Variants in CPEB3 observed in about 807,000 individuals in gnomAD.
CPEB3 encodes cytoplasmic polyadenylation element binding protein 3, also known as cytoplasmic polyadenylation element-binding protein 3.
Under a neutral mutation model 67.2 loss-of-function variants are expected in CPEB3, and 20 were observed. The ratio of observed to expected loss-of-function variants is 0.30; its 90% CI spans 0.21 to 0.43. CPEB3 has a LOEUF of 0.43. Ranked by LOEUF, CPEB3 falls within the 20% of genes least tolerant of loss-of-function variation. The probability of loss-of-function intolerance (pLI) is 1.00; values close to 1 mark genes in which losing one functional copy is unlikely to be tolerated. For synonymous variants in CPEB3, 376 were observed against 393.1 expected, an observed-to-expected ratio of 0.96 and a Z score of 0.51; for missense variants, 746 against 968.6, an observed-to-expected ratio of 0.77 and a Z score of 3.05.
In CPEB3 at chr10:92,240,374, A is replaced by G; in HGVS notation, c.-11-13T>C. The stretch of plus-strand genomic sequence containing the variant: ...ATGGTTTGCGCAGCTGAAACGGGAA[A>G]AAAGAGAGACGCGTTATTGTCAATG... On this transcript the variant is annotated splice_polypyrimidine_tract_variant and intron_variant, in intron 1 of 9. Coordinates refer to ENST00000265997, the MANE Select transcript of CPEB3 (RefSeq NM_014912.5). 2 of 1,438,952 alleles carry G rather than the reference A, an allele frequency of 1.4e-6. No individual in the cohort carries two copies. Among genetic ancestry groups the G allele is most frequent in the Non-Finnish European group, 1.8e-6 (2 of 1,091,744 alleles). The allele number at this position is 1,438,952 out of a possible 1,614,324, so 89.1% of individuals were successfully genotyped here. A position where few individuals can be genotyped will look rare whatever the true frequency, so the allele number is the denominator to read the frequency against.
Position 92,063,415 on chromosome 10 carries a change from C to A in CPEB3, c.1870-10976G>T, listed in dbSNP as rs375467051. Among the ~76,000 whole-genome samples the A allele has an allele frequency of 3.9e-5, 6 of 152,296 alleles. No individual in the cohort carries two copies. The South Asian group carries it at 8.3e-4, about 21-fold the overall frequency. ...GTACTAAAAGTTCTATTAAGGACAG[C>A]CAAAGACTGGCCTCTGTTACAGTCT... On this transcript the variant is annotated intron_variant, in intron 9 of 9. Transcript: ENST00000265997.
Position 92,081,459 on chromosome 10 carries a change from C to G in CPEB3, c.1730G>C (p.Cys577Ser). Residue 577 changes from cysteine to serine, a missense_variant, in exon 9 of 10, where the codon TGC becomes TCC. Physicochemically the swap from Cys to Ser is moderately radical, Grantham distance 112. Transcript: ENST00000265997. ...TGGGTCCGTATCAATGCCAGCATAG[C>G]AGACACCACCGTACAAACGGTCCAT... ...MIMDRLYGGV[C>S]YAGIDTDPEL... 1.2e-6 allele frequency: 2 copies of G among 1,613,908 alleles called. No homozygotes were observed. Among genetic ancestry groups the G allele is most frequent in the Non-Finnish European group, 1.7e-6 (2 of 1,179,964 alleles).
At chr10:92,077,487 T>A (rs1022638756) in intron 9 of CPEB3, among the ~76,000 whole-genome samples, 10 of 152,126 alleles carry the variant, frequency 6.6e-5, no homozygotes, top group Admixed American at 6.6e-4. Context: ...CCGAGCACAG[T>A]GGTTCAAGCC....
intron 1 of CPEB3, among the ~76,000 whole-genome samples, chr10:92,264,170 A>G (rs1181156082): frequency 6.6e-6 from 1 of 152,042 alleles, no homozygotes; most frequent in East Asian, 1.9e-4. Context: ...CTCTACAAAA[A>G]TATAAAAATT....
At chr10:92,285,255 T>C (rs1842472432) in intron 1 of CPEB3, among the ~76,000 whole-genome samples, 1 of 152,080 alleles carries the variant, frequency 6.6e-6, no homozygotes, top group South Asian at 2.1e-4. Context: ...GCATTAAAGT[T>C]TCTTTCTTTC....
At chr10:92,068,639 T>C (rs1842643267) in intron 9 of CPEB3, among the ~76,000 whole-genome samples, 1 of 152,182 alleles carries the variant, frequency 6.6e-6, no homozygotes, top group South Asian at 2.1e-4. Context: ...GCAGGAAAGA[T>C]GAATATTTAA....
intron 9 of CPEB3, among the ~76,000 whole-genome samples, chr10:92,070,389 C>CT (rs1842708546): frequency 6.6e-6 from 1 of 152,154 alleles, no homozygotes; most frequent in Admixed American, 6.5e-5. Flanking sequence ...ATGGAGCATA[C>CT]TTTAAGAAAC....
intron 2 of CPEB3, among the ~76,000 whole-genome samples, chr10:92,230,739 T>C (rs1851227313): frequency 6.6e-6 from 1 of 152,204 alleles, no homozygotes; most frequent in Non-Finnish European, 1.5e-5. Flanking sequence ...CAGGAGCAGC[T>C]ACCCACAAGG....
chr10:92,079,918 C>T (rs1221456113), intron 9 of CPEB3, among the ~76,000 whole-genome samples: 1 of 151,726 alleles, frequency 6.6e-6, no homozygotes, highest in East Asian at 1.9e-4. Flanking sequence ...ACTTGGTGCT[C>T]GGCCAGGCGC....
At chr10:92,241,766 T>C (rs1851862066) in intron 1 of CPEB3, among the ~76,000 whole-genome samples, 1 of 152,198 alleles carries the variant, frequency 6.6e-6, no homozygotes, top group South Asian at 2.1e-4. Flanking sequence ...GTTAATTGCT[T>C]TAAATATATA....
intron 6 of CPEB3, among the ~76,000 whole-genome samples, chr10:92,138,672 G>GT (rs1036612723): frequency 2.0e-5 from 3 of 152,102 alleles, no homozygotes; most frequent in Admixed American, 2.0e-4. Flanking sequence ...AGTTAAAATG[G>GT]TTTTTATCCA....
intron 3 of CPEB3, among the ~76,000 whole-genome samples, chr10:92,190,472 C>T (rs1848915196): frequency 6.6e-6 from 1 of 151,674 alleles, no homozygotes; most frequent in Middle Eastern, 3.4e-3. Context: ...TTGAGACCAG[C>T]GTGACCAACA....
chr10:92,201,644 T>C lies in CPEB3; in HGVS notation c.1006-9008A>G, dbSNP rs140303854. On this transcript the variant is annotated intron_variant, in intron 2 of 9. Transcript: ENST00000265997. ...GATTAGTTGATGTCACCCCAAATCATTGGGTTGTTAGCCAGCAGAATATTA... is the reference window on the plus strand; with the variant it reads ...GATTAGTTGATGTCACCCCAAATCACTGGGTTGTTAGCCAGCAGAATATTA... Among the ~76,000 whole-genome samples, 501 of 152,318 alleles carry C rather than the reference T, an allele frequency of 3.3e-3. 4 individuals carry two copies. The highest frequency in any genetic ancestry group is 0.011 in the African/African-American group (470 of 41,578).
intron 4 of CPEB3, among the ~76,000 whole-genome samples, chr10:92,163,498 T>G (rs1251902028): frequency 6.6e-6 from 1 of 152,196 alleles, no homozygotes; most frequent in African/African-American, 2.4e-5. Flanking sequence ...TGAATCACCA[T>G]TTCAGTAGGC....
chr10:92,272,186 G>A, intron 1 of CPEB3: 1 of 152,122 alleles, frequency 6.6e-6, no homozygotes. Flanking sequence ...GGCAGAAATA[G>A]TAGAACAATG....
chr10:92,088,824 T>C (rs1843489869), intron 8 of CPEB3, among the ~76,000 whole-genome samples: 1 of 152,176 alleles, frequency 6.6e-6, no homozygotes. Context: ...TAAAATAGTT[T>C]TAGACTTTCC....
chr10:92,291,117 C>T, upstream of CPEB3: 1 of 349,854 alleles, frequency 2.9e-6, no homozygotes, highest in South Asian at 3.0e-5. Context: ...CCAGGCTGCT[C>T]TGGGCCGCCC....
At chr10:92,143,738 A>G (rs1564815501) in intron 5 of CPEB3, among the ~76,000 whole-genome samples, 1 of 152,128 alleles carries the variant, frequency 6.6e-6, no homozygotes, top group Non-Finnish European at 1.5e-5. Context: ...CCTGGCTCCT[A>G]CTCAGGTTTA....
At position 92,199,895 on chromosome 10, in the gene CPEB3, C is replaced by CAGAG. The variant is rs34608647; in HGVS notation, c.1006-7263_1006-7260dup. ...ACGAACCTATTTTTCTCCAAACACA[C>CAGAG]AGAGAGAGAGAGAGAGAGAGAGAGA... On this transcript the variant is annotated intron_variant, in intron 2 of 9. Transcript: ENST00000265997. Among the ~76,000 whole-genome samples, 413 of 148,250 alleles carry CAGAG rather than the reference C, an allele frequency of 2.8e-3. 1 individual carries two copies. The highest frequency in any genetic ancestry group is 8.2e-3 in the African/African-American group (333 of 40,542).
Sources: allele counts gnomAD v4.1 joint callset (sites outside exome capture counted in the v4.1 genomes callset), GRCh38; gene constraint gnomAD v4.1.1; transcripts MANE v1.5; gene names NCBI Gene and HGNC (gene_info 2026-07-23, HGNC 2026-07-21).